Variants in DDX10 observed in about 807,000 individuals in gnomAD.
DDX10 encodes the protein DEAD-box helicase 10.
Under a neutral mutation model 104.3 loss-of-function variants are expected in DDX10, and 74 were observed. That is an observed-to-expected ratio of 0.71 (90% CI 0.59 to 0.86). The LOEUF is 0.86. Ranked by LOEUF, DDX10 falls within the 40% of genes least tolerant of loss-of-function variation. The probability of loss-of-function intolerance (pLI) is 0.00; values close to 1 mark genes in which losing one functional copy is unlikely to be tolerated. For synonymous variants in DDX10, 351 were observed against 353.4 expected (o/e 0.99, Z 0.08); for missense variants, 952 against 1,040.0 (o/e 0.92, Z 1.16).
rs562915456 is a variant in DDX10, at chr11:108,804,550, A to G, written c.1966-33896A>G. Among the ~76,000 whole-genome samples, 176 of 150,864 alleles carry G rather than the reference A, an allele frequency of 1.2e-3. 1 individual carries two copies. The highest frequency in any genetic ancestry group is 3.9e-3 in the African/African-American group (163 of 41,292). On this transcript the variant is annotated intron_variant, in intron 13 of 17. Transcript: ENST00000322536. ...AAAAGAAGTTGCCACAAAATTTTCA[A>G]CTGAAAACACGTGTTTATTATCTCT...
intron 16 of DDX10, among the ~76,000 whole-genome samples, chr11:108,858,227 C>T (rs1275326717): frequency 6.6e-6 from 1 of 152,094 alleles, no homozygotes; most frequent in Non-Finnish European, 1.5e-5. Context: ...TTTCTGCCTC[C>T]TTCAGGCCGA....
At chr11:108,692,197 TA>T (rs2094253647) in intron 8 of DDX10, among the ~76,000 whole-genome samples, 159 bp downstream of exon 8, 1 of 152,218 alleles carries the variant, frequency 6.6e-6, no homozygotes, top group Non-Finnish European at 1.5e-5. Context: ...TGACTAACAT[TA>T]AGGATGTATC....
At chr11:108,907,590 A>G (rs1591120329) in intron 16 of DDX10, among the ~76,000 whole-genome samples, 1 of 151,966 alleles carries the variant, frequency 6.6e-6, no homozygotes, top group African/African-American at 2.4e-5. Context: ...TCAAATTTCT[A>G]CATGGTTAGG....
intron 13 of DDX10, among the ~76,000 whole-genome samples, chr11:108,756,121 T>G (rs2094344160): frequency 6.6e-6 from 1 of 152,052 alleles, no homozygotes; most frequent in Non-Finnish European, 1.5e-5. Context: ...GCTGCTACAG[T>G]TGTCTTTTTA....
intron 16 of DDX10, among the ~76,000 whole-genome samples, chr11:108,913,289 A>G (rs1374635686): frequency 6.6e-6 from 1 of 152,070 alleles, no homozygotes; most frequent in Admixed American, 6.5e-5. Context: ...CGAAGCAGGG[A>G]GGGGACTTCC....
chr11:108,683,219 A>G (rs1446223376), intron 6 of DDX10, among the ~76,000 whole-genome samples: 3 of 152,166 alleles, frequency 2.0e-5, no homozygotes, highest in African/African-American at 4.8e-5. Flanking sequence ...ATCTCTGCTC[A>G]GTTCTGTAGC....
At chr11:108,910,692 C>G (rs556399449) in intron 16 of DDX10, among the ~76,000 whole-genome samples, 1 of 151,424 alleles carries the variant, frequency 6.6e-6, no homozygotes, top group South Asian at 2.1e-4. Context: ...AATACTCCCC[C>G]TTTCTGCCCA....
intron 13 of DDX10, among the ~76,000 whole-genome samples, chr11:108,789,696 T>C (rs1418216255): frequency 6.6e-6 from 1 of 152,170 alleles, no homozygotes; most frequent in Non-Finnish European, 1.5e-5. Context: ...AGGGATAACA[T>C]GTAGGATGCT....
At chr11:108,726,882 T>C (rs1253393419) in intron 13 of DDX10, among the ~76,000 whole-genome samples, 1 of 152,122 alleles carries the variant, frequency 6.6e-6, no homozygotes, top group East Asian at 1.9e-4. Flanking sequence ...TGGCTTAGTG[T>C]TTTTATGATA....
intron 13 of DDX10, among the ~76,000 whole-genome samples, chr11:108,778,981 A>G (rs1224011371): frequency 2.0e-5 from 3 of 152,342 alleles, no homozygotes; most frequent in Admixed American, 6.5e-5. Context: ...TCAAAACCAC[A>G]ATGGGATACC....
chr11:108,797,043 T>C (rs541423342), intron 13 of DDX10, among the ~76,000 whole-genome samples: 2 of 152,162 alleles, frequency 1.3e-5, no homozygotes, highest in Non-Finnish European at 2.9e-5. Context: ...CTTCTAATTT[T>C]TTTTTTTTTT....
intron 16 of DDX10, among the ~76,000 whole-genome samples, chr11:108,855,803 A>G (rs1479506538): frequency 6.6e-6 from 1 of 152,194 alleles, no homozygotes; most frequent in Non-Finnish European, 1.5e-5. Context: ...GATGAAATTG[A>G]ACACTGACTA....
intron 13 of DDX10, among the ~76,000 whole-genome samples, chr11:108,729,229 G>A (rs2094308982): frequency 6.6e-6 from 1 of 152,092 alleles, no homozygotes; most frequent in Non-Finnish European, 1.5e-5. Flanking sequence ...AGGGTTCTAA[G>A]AGGGCCCCAG....
At chr11:108,749,553 C>T (rs1234265121) in intron 13 of DDX10, among the ~76,000 whole-genome samples, 1 of 152,136 alleles carries the variant, frequency 6.6e-6, no homozygotes, top group Non-Finnish European at 1.5e-5. Context: ...GCTTGGCTTT[C>T]TCTACTGACG....
intron 13 of DDX10, among the ~76,000 whole-genome samples, chr11:108,809,165 G>A (rs1862141687): frequency 6.6e-6 from 1 of 152,206 alleles, no homozygotes. Flanking sequence ...CGCTTCAATT[G>A]TCCAAGCATT....
At chr11:108,780,966 A>G (rs2094377367) in intron 13 of DDX10, among the ~76,000 whole-genome samples, 1 of 152,138 alleles carries the variant, frequency 6.6e-6, no homozygotes, top group South Asian at 2.1e-4. Flanking sequence ...TTTTAGATAC[A>G]GGGGATACAT....
chr11:108,897,113 A>G lies in DDX10; in HGVS notation c.2305-20760A>G, dbSNP rs1318019326. Among the ~76,000 whole-genome samples the G allele has an allele frequency of 3.9e-5, 6 of 152,256 alleles. No homozygotes were observed. The East Asian group carries it at 7.7e-4, about 20-fold the overall frequency. The stretch of plus-strand genomic sequence containing the variant: ...CCTTCCAAGTGACTCAACACCAAAA[A>G]CAATAAACCTTTTATGACTTAACCA... On this transcript the variant is annotated intron_variant, in intron 16 of 17. Coordinates refer to ENST00000322536, the MANE Select transcript of DDX10 (RefSeq NM_004398.4).
intron 6 of DDX10, among the ~76,000 whole-genome samples, chr11:108,683,827 A>G (rs2094238872): frequency 6.6e-6 from 1 of 152,182 alleles, no homozygotes; most frequent in Non-Finnish European, 1.5e-5. Flanking sequence ...TGTAACACCA[A>G]TGAGTTGGTT....
intron 16 of DDX10, among the ~76,000 whole-genome samples, chr11:108,884,726 T>C (rs1863272224): frequency 6.6e-6 from 1 of 152,216 alleles, no homozygotes; most frequent in African/African-American, 2.4e-5. Flanking sequence ...GTTTTCTCTT[T>C]TGCTGCTTGA....
Sources: allele counts gnomAD v4.1 joint callset (sites outside exome capture counted in the v4.1 genomes callset), GRCh38; gene constraint gnomAD v4.1.1; transcripts MANE v1.5; gene names NCBI Gene and HGNC (gene_info 2026-07-23, HGNC 2026-07-21).